Variants in MACROD2 observed in about 807,000 individuals in gnomAD.
MACROD2 encodes the protein mono-ADP ribosylhydrolase 2, also known as ADP-ribose glycohydrolase MACROD2.
A neutral mutation model predicts 70.4 loss-of-function variants in MACROD2; 36 were observed. That is an observed-to-expected ratio of 0.51 (90% CI 0.39 to 0.68). The LOEUF is 0.68. MACROD2 is among the 30% of genes least tolerant of loss of function. The pLI, the probability that MACROD2 is intolerant of heterozygous loss-of-function variation, is 0.00. For synonymous variants in MACROD2, 172 were observed against 178.8 expected, an observed-to-expected ratio of 0.96 and a Z score of 0.30; for missense variants, 496 against 538.4, an observed-to-expected ratio of 0.92 and a Z score of 0.78.
At chr20:15,923,959 A>G (rs777716918) in intron 10 of MACROD2, among the ~76,000 whole-genome samples, 8 of 152,176 alleles carry the variant, frequency 5.3e-5, no homozygotes, top group Non-Finnish European at 8.8e-5. Context: ...ATACACATAG[A>G]CCACCCTCTT....
At chr20:15,005,854 C>T (rs2075031502) in intron 5 of MACROD2, among the ~76,000 whole-genome samples, 1 of 152,086 alleles carries the variant, frequency 6.6e-6, no homozygotes, top group African/African-American at 2.4e-5. Context: ...TAGTTGATAA[C>T]TGTGTAAACA....
Position 16,050,949 on chromosome 20 carries a change from G to A in MACROD2, c.*1073G>A, listed in dbSNP as rs996312413. On this transcript the variant is annotated 3_prime_UTR_variant, in exon 18 of 18. Transcript: ENST00000684519. ...ATGCCAAGTTCAAGGCTGATTCAAT[G>A]GTTGGTCCCCTCACCCAGAAAACCC... is the stretch of plus-strand genomic sequence containing the variant. The A allele has an allele frequency of 6.6e-6, 1 of 152,388 alleles. No individual in the cohort carries two copies. 9.4% of individuals were successfully genotyped at this position (152,388 alleles called of 1,614,324 possible). A position where few individuals can be genotyped will look rare whatever the true frequency, so the allele number is the denominator to read the frequency against.
At chr20:14,279,492 C>G (rs1274399157) in intron 3 of MACROD2, among the ~76,000 whole-genome samples, 2 of 151,970 alleles carry the variant, frequency 1.3e-5, no homozygotes, top group Non-Finnish European at 2.9e-5. Flanking sequence ...TAAAACATAG[C>G]AATATACAGA....
chr20:15,678,507 C>T (rs1010329864), intron 8 of MACROD2, among the ~76,000 whole-genome samples: 1 of 152,024 alleles, frequency 6.6e-6, no homozygotes, highest in South Asian at 2.1e-4. Context: ...CTACAGGCGC[C>T]CGCCACCATG....
chr20:14,358,425 G>A (rs2083192629), intron 3 of MACROD2, among the ~76,000 whole-genome samples: 1 of 152,008 alleles, frequency 6.6e-6, no homozygotes, highest in Non-Finnish European at 1.5e-5. Context: ...ACACCCCTAG[G>A]AGGTAGTTAG....
At chr20:15,802,637 C>A (rs2063736224) in intron 8 of MACROD2, among the ~76,000 whole-genome samples, 2 of 151,884 alleles carry the variant, frequency 1.3e-5, no homozygotes, top group East Asian at 3.8e-4. Flanking sequence ...AAACCGAATC[C>A]AAAATTAACA....
intron 6 of MACROD2, among the ~76,000 whole-genome samples, chr20:15,420,108 C>A (rs2046207507): frequency 6.6e-6 from 1 of 152,164 alleles, no homozygotes. Flanking sequence ...AACATTCCTA[C>A]AAGTCACACA....
intron 5 of MACROD2, among the ~76,000 whole-genome samples, chr20:14,861,572 T>C (rs2073317545): frequency 6.6e-6 from 1 of 151,952 alleles, no homozygotes; most frequent in African/African-American, 2.4e-5. Context: ...GAATGCACTC[T>C]GCATGGATCA....
At chr20:15,335,096 A>T (rs2078034100) in intron 6 of MACROD2, among the ~76,000 whole-genome samples, 1 of 151,748 alleles carries the variant, frequency 6.6e-6, no homozygotes, top group Non-Finnish European at 1.5e-5. Context: ...GAAAATCAAG[A>T]TTGGAGTTTC....
chr20:14,319,109 G>A (rs751914472), intron 3 of MACROD2, among the ~76,000 whole-genome samples: 3 of 152,164 alleles, frequency 2.0e-5, no homozygotes, highest in Non-Finnish European at 2.9e-5. Flanking sequence ...TCTGAAGTCT[G>A]TATTTTATAT....
At chr20:14,347,567 T>G (rs2083076788) in intron 3 of MACROD2, among the ~76,000 whole-genome samples, 1 of 152,174 alleles carries the variant, frequency 6.6e-6, no homozygotes, top group African/African-American at 2.4e-5. Context: ...GAATGTGACC[T>G]AATCCTGCTG....
chr20:15,782,013 T>C (rs1470769546), intron 8 of MACROD2, among the ~76,000 whole-genome samples: 1 of 152,172 alleles, frequency 6.6e-6, no homozygotes, highest in Non-Finnish European at 1.5e-5. Context: ...GTACTTTAAT[T>C]ATTTAAAATA....
At chr20:15,814,277 T>G (rs892952891) in intron 8 of MACROD2, among the ~76,000 whole-genome samples, 1 of 152,192 alleles carries the variant, frequency 6.6e-6, no homozygotes, top group Non-Finnish European at 1.5e-5. Flanking sequence ...GAAACCTTCC[T>G]GGTCAGCAGA....
At chr20:15,900,388 C>T (rs2065046890) in intron 10 of MACROD2, among the ~76,000 whole-genome samples, 1 of 152,060 alleles carries the variant, frequency 6.6e-6, no homozygotes, top group African/African-American at 2.4e-5. Flanking sequence ...CACCATTTTG[C>T]TTTAATCATA....
intron 7 of MACROD2, among the ~76,000 whole-genome samples, chr20:15,454,653 A>G (rs1183003514): frequency 7.9e-6 from 1 of 126,492 alleles, no homozygotes; most frequent in Non-Finnish European, 1.7e-5. Context: ...CCAAGTTTCC[A>G]GCAGTCACGC....
chr20:15,867,122 CTG>C (rs1303117738), intron 9 of MACROD2, among the ~76,000 whole-genome samples: 1 of 152,186 alleles, frequency 6.6e-6, no homozygotes, highest in Non-Finnish European at 1.5e-5. Flanking sequence ...GACCTTCCCT[CTG>C]AGTCATTTGT....
intron 6 of MACROD2, among the ~76,000 whole-genome samples, chr20:15,234,012 CTTTTTT>C (rs1177498607): frequency 0.013 from 366 of 29,128 alleles, 4 homozygotes; most frequent in Non-Finnish European, 0.017. Flanking sequence ...TATATATATT[CTTTTTT>C]TTTTTTTTTT....
chr20:15,098,269 C>A (rs1029832725), intron 5 of MACROD2, among the ~76,000 whole-genome samples: 2 of 152,118 alleles, frequency 1.3e-5, no homozygotes, highest in African/African-American at 4.8e-5. Context: ...TAGCAGGTCT[C>A]ACAGATTATG....
chr20:13,995,955 G>A lies in MACROD2; in HGVS notation c.46+146G>A, dbSNP rs1044656738. The A allele has an allele frequency of 2.2e-6, 2 of 919,830 alleles. No individual in the cohort carries two copies. Among genetic ancestry groups the A allele is most frequent in the African/African-American group, 1.7e-5 (1 of 59,436 alleles). 57.0% of individuals were successfully genotyped at this position (919,830 alleles called of 1,614,324 possible). ...TGCCGCCTCCCTCCGGTGTCCGTGTGTACACACGCGCACACTCGCGCGCAC... is the reference window on the plus strand; with the variant it reads ...TGCCGCCTCCCTCCGGTGTCCGTGTATACACACGCGCACACTCGCGCGCAC... On this transcript the variant is annotated intron_variant, in intron 1 of 17. Transcript: ENST00000684519. The surrounding 1 kb of genome is among the most constrained non-coding windows in gnomAD (Gnocchi z 4.3).
Sources: gnomAD v4.1 joint callset for allele counts (sites outside exome capture counted in the v4.1 genomes callset) on GRCh38, gnomAD v4.1.1 for gene constraint, Gnocchi (gnomAD v3.1) non-coding constraint, MANE v1.5 for transcripts, NCBI Gene and HGNC (gene_info 2026-07-23, HGNC 2026-07-21) for gene names.